Variants in GALNT8 observed in about 807,000 individuals in gnomAD.
GALNT8 encodes the protein probable polypeptide N-acetylgalactosaminyltransferase 8.
GALNT8 carries 66 observed loss-of-function variants against 62.7 expected under a neutral mutation model. The observed-to-expected ratio is 1.05, with a 90% CI of 0.86 to 1.29. The LOEUF (loss-of-function observed/expected upper bound fraction) is 1.29, where lower values mean the gene tolerates loss of function less well. Among genes scored for constraint, GALNT8 ranks in the 50% most tolerant of loss-of-function variants. GALNT8 has a pLI of 0.00. For synonymous variants in GALNT8, 288 were observed against 294.3 expected (o/e 0.98, Z 0.22); for missense variants, 771 against 791.8 (o/e 0.97, Z 0.32).
intron 10 of GALNT8, among the ~76,000 whole-genome samples, chr12:4,771,614 A>C (rs951781155): frequency 6.6e-6 from 1 of 152,150 alleles, no homozygotes; most frequent in Non-Finnish European, 1.5e-5. Context: ...AGCCATCAGA[A>C]TGAATGTTAT....
chr12:4,720,732 A>G lies in GALNT8; in HGVS notation c.55A>G (p.Ile19Val), dbSNP rs1391026069. The change falls in exon 1 of 11, where the codon ATT becomes GTT. Residue 19 changes from isoleucine to valine, a missense_variant. By Grantham distance (29) the Ile-to-Val change is conservative. Coordinates refer to ENST00000252318, the MANE Select transcript of GALNT8 (RefSeq NM_017417.2). The part of the protein sequence containing the change: ...KALFIGLTLA[I>V]AVNLLLVFSS... ...CCTCTTCATTGGGCTGACTCTGGCC[A>G]TTGCTGTCAATCTCCTTCTGGTATT... 1 of 1,613,846 alleles carries G rather than the reference A, an allele frequency of 6.2e-7. No individual in the cohort carries two copies. Among genetic ancestry groups the G allele is most frequent in the African/African-American group, 1.3e-5 (1 of 75,036 alleles).
chr12:4,744,231 G>A (rs931991091), intron 3 of GALNT8, among the ~76,000 whole-genome samples: 4 of 152,120 alleles, frequency 2.6e-5, no homozygotes, highest in African/African-American at 9.7e-5. Flanking sequence ...ACTTCTCAAC[G>A]TGAAAAAGCA....
At chr12:4,763,532 C>A in intron 8 of GALNT8, 142 bp downstream of exon 8, 1 of 690,818 alleles carries the variant, frequency 1.4e-6, no homozygotes, top group East Asian at 2.5e-5. Context: ...TCAACCCTCT[C>A]AGTTTCCTTT....
intron 10 of GALNT8, among the ~76,000 whole-genome samples, chr12:4,771,909 C>G (rs1946426272): frequency 6.6e-6 from 1 of 152,208 alleles, no homozygotes; most frequent in African/African-American, 2.4e-5. Context: ...GACTTTGTAG[C>G]ACTAAAGCCT....
chr12:4,770,026 C>T (rs928904106), intron 10 of GALNT8, among the ~76,000 whole-genome samples: 34 of 152,144 alleles, frequency 2.2e-4, no homozygotes, highest in South Asian at 4.1e-4. Context: ...TGGCCGGGCA[C>T]GGTGGCTCAC....
chr12:4,738,685 C>G (rs931299256), intron 2 of GALNT8, among the ~76,000 whole-genome samples: 8 of 152,034 alleles, frequency 5.3e-5, no homozygotes, highest in Non-Finnish European at 1.2e-4. Flanking sequence ...ATCAACTAAA[C>G]CCCAAAAAAG....
At position 4,772,571 on chromosome 12, in the gene GALNT8, G is replaced by T; in HGVS notation, c.1888G>T (p.Asp630Tyr). 1.2e-6 allele frequency: 2 copies of T among 1,613,906 alleles called. No individual in the cohort carries two copies. Among genetic ancestry groups the T allele is most frequent in the Non-Finnish European group, 1.7e-6 (2 of 1,179,928 alleles). The change falls in exon 11 of 11, where the codon GAC (aspartate) becomes TAC (tyrosine). Residue 630 changes from aspartate to tyrosine, a missense_variant. Transcript: ENST00000252318. ...GTGGGAAATCCAGCACACTGTCAGA[G>T]ACTGGGGTCAGACCAACAGCCAGTG... Reference protein sequence around the residue: ...QVWEIQHTVRDWGQTNSQ With the variant: ...QVWEIQHTVRYWGQTNSQ
intron 3 of GALNT8, among the ~76,000 whole-genome samples, chr12:4,740,649 C>T (rs1251542144): frequency 1.3e-5 from 2 of 152,166 alleles, no homozygotes; most frequent in East Asian, 1.9e-4. Context: ...GCCTTGAACT[C>T]CTGATCTCAG....
At chr12:4,739,664 T>C (rs373711310) in intron 3 of GALNT8, among the ~76,000 whole-genome samples, 17 of 151,540 alleles carry the variant, frequency 1.1e-4, no homozygotes, top group African/African-American at 3.6e-4. Context: ...TTTTTCTTTT[T>C]CTTTTTCTTT....
intron 1 of GALNT8, among the ~76,000 whole-genome samples, chr12:4,723,037 T>TC (rs1432423723): frequency 1.3e-5 from 2 of 149,004 alleles, no homozygotes; most frequent in African/African-American, 2.5e-5. Flanking sequence ...AGAGGAGGAG[T>TC]CCTAAGGCAC....
At chr12:4,731,192 G>A (rs1946220721) in intron 2 of GALNT8, among the ~76,000 whole-genome samples, 1 of 152,072 alleles carries the variant, frequency 6.6e-6, no homozygotes, top group Admixed American at 6.5e-5. Context: ...GTATTTTAAA[G>A]TTTTCTATGT....
At chr12:4,735,234 A>T (rs1468782918) in intron 2 of GALNT8, among the ~76,000 whole-genome samples, 1 of 151,908 alleles carries the variant, frequency 6.6e-6, no homozygotes, top group African/African-American at 2.4e-5. Context: ...AATTATTTAA[A>T]TTTTTTTTTA....
chr12:4,746,241 G>C lies in GALNT8; in HGVS notation c.1156G>C (p.Val386Leu), dbSNP rs750363187. The change falls in exon 6 of 11, where the codon GTG (valine) becomes CTG (leucine). Residue 386 changes from valine (V) to leucine (L), a missense_variant. Transcript: ENST00000252318. ...AATGCTCATCTATGGAGGAGAGAAC[G>C]TGGAGCTTAGCCTGAGGGTGGGTAC... is the stretch of plus-strand genomic sequence containing the variant. ...GGMLIYGGEN[V>L]ELSLRVWQCG... The C allele has an allele frequency of 3.1e-6, 5 of 1,597,158 alleles. No individual in the cohort carries two copies. Among genetic ancestry groups the C allele is most frequent in the Non-Finnish European group, 4.3e-6 (5 of 1,164,590 alleles).
At position 4,749,784 on chromosome 12, in the gene GALNT8, C is replaced by A. The variant is rs1946314925; in HGVS notation, c.1173+3526C>A. On this transcript the variant is annotated intron_variant, in intron 6 of 10. Transcript: ENST00000252318. The surrounding 1 kb of genome is among the most constrained non-coding windows in gnomAD (Gnocchi z 4.1). Reference sequence around the variant, plus strand: ...TCGGTAGAAATCAACAGTGAAACCACTGAGTCCCAGGTTTTCCTTTACTGG... The same window carrying A: ...TCGGTAGAAATCAACAGTGAAACCAATGAGTCCCAGGTTTTCCTTTACTGG... Among the ~76,000 whole-genome samples the A allele has an allele frequency of 6.6e-6, 1 of 152,006 alleles. No individual in the cohort carries two copies.
intron 8 of GALNT8, 103 bp from the exon 9 acceptor site, chr12:4,763,849 C>G: frequency 1.4e-6 from 1 of 722,512 alleles, no homozygotes; most frequent in Middle Eastern, 2.3e-4. Flanking sequence ...GCTGGTCGTT[C>G]CTGGTGTCCT....
At position 4,744,704 on chromosome 12, in the gene GALNT8, A is replaced by C; in HGVS notation, c.860+4A>C. 5 of 1,593,738 alleles carry C rather than the reference A, an allele frequency of 3.1e-6. No individual in the cohort carries two copies. The highest frequency in any genetic ancestry group is 4.3e-6 in the Non-Finnish European group (5 of 1,165,340). On this transcript the variant is annotated splice_donor_region_variant and intron_variant, in intron 4 of 10. Coordinates refer to ENST00000252318, the MANE Select transcript of GALNT8 (RefSeq NM_017417.2). ...ACATTGAAGTCAATGTTGGGTGGTA[A>C]GGCTCAAAGAGGCTAGTTCTTCTGG... is the stretch of plus-strand genomic sequence containing the variant.
intron 10 of GALNT8, chr12:4,768,419 GT>G: frequency 2.7e-6 from 1 of 372,752 alleles, no homozygotes; most frequent in African/African-American, 2.1e-5. Flanking sequence ...TTTTTTTTGT[GT>G]TTTTTCTTTT....
At chr12:4,751,332 C>T (rs915109832) in intron 6 of GALNT8, among the ~76,000 whole-genome samples, 6 of 152,068 alleles carry the variant, frequency 3.9e-5, no homozygotes, top group Admixed American at 2.6e-4. Context: ...TCTTGCTTTT[C>T]TAGTTCTTTA....
chr12:4,733,192 T>G (rs895489274), intron 2 of GALNT8, among the ~76,000 whole-genome samples: 6 of 152,270 alleles, frequency 3.9e-5, no homozygotes, highest in African/African-American at 1.4e-4. Flanking sequence ...AGCCGTATTA[T>G]AAGTGCTTGA....
Sources: gnomAD v4.1 joint callset for allele counts (sites outside exome capture counted in the v4.1 genomes callset) on GRCh38, gnomAD v4.1.1 for gene constraint, Gnocchi (gnomAD v3.1) non-coding constraint, MANE v1.5 for transcripts, NCBI Gene and HGNC (gene_info 2026-07-23, HGNC 2026-07-21) for gene names.